The following MYRIP variants were observed in gnomAD, a reference collection of about 807,000 sequenced individuals.
MYRIP encodes rab effector MyRIP.
Under a neutral mutation model 98.0 loss-of-function variants are expected in MYRIP, and 49 were observed. The observed-to-expected ratio is 0.50, with a 90% CI of 0.40 to 0.63. The LOEUF (loss-of-function observed/expected upper bound fraction) is 0.63, where lower values mean the gene tolerates loss of function less well. MYRIP is among the 30% of genes least tolerant of loss of function. The probability of loss-of-function intolerance (pLI) is 0.00; values close to 1 mark genes in which losing one functional copy is unlikely to be tolerated. For synonymous variants in MYRIP, 404 were observed against 409.5 expected (o/e 0.99, Z 0.16); for missense variants, 1,004 against 1,058.2 (o/e 0.95, Z 0.71).
At chr3:40,172,831 C>T (rs904297542) in intron 8 of MYRIP, among the ~76,000 whole-genome samples, 7 of 152,290 alleles carry the variant, frequency 4.6e-5, no homozygotes, top group Admixed American at 2.0e-4. Context: ...ATCAACTCAC[C>T]CACTAGAACA....
At chr3:39,932,547 G>GT (rs369420899) in intron 2 of MYRIP, among the ~76,000 whole-genome samples, 6 of 151,138 alleles carry the variant, frequency 4.0e-5, no homozygotes, top group East Asian at 2.0e-4. Flanking sequence ...TTTTTTGGGG[G>GT]TTTTTTTTGG....
At chr3:40,017,900 A>T (rs1160628737) in intron 2 of MYRIP, among the ~76,000 whole-genome samples, 1 of 152,142 alleles carries the variant, frequency 6.6e-6, no homozygotes, top group South Asian at 2.1e-4. Flanking sequence ...TAGCCTAATG[A>T]GTAATCAGCT....
At chr3:40,166,227 C>T (rs970960388) in intron 5 of MYRIP, among the ~76,000 whole-genome samples, 2 of 152,160 alleles carry the variant, frequency 1.3e-5, no homozygotes, top group African/African-American at 4.8e-5. Context: ...AACATTTTCC[C>T]CATCATCACA....
rs778130848 is a variant in MYRIP at position 40,190,255 on chromosome 3, A to C, written c.1457A>C (p.Glu486Ala). Residue 486 changes from glutamate to alanine, a missense_variant, in exon 10 of 17, where the codon GAG (glutamate) becomes GCG (alanine). This residue lies in a region of MYRIP where 880 missense variants were observed against 907.7 expected (regional missense o/e 0.97). Coordinates refer to ENST00000302541, the MANE Select transcript of MYRIP (RefSeq NM_015460.4). ...AAGGCCCCCAGGAACCCTGCAGCTG[A>C]GAAGATGCGCTTGCATGGAGAGCTG... Reference protein sequence around the residue: ...QRKAPRNPAAEKMRLHGELDV... With the variant: ...QRKAPRNPAAAKMRLHGELDV... 46 of 1,613,928 alleles carry C rather than the reference A, an allele frequency of 2.9e-5. No homozygotes were observed. Among genetic ancestry groups the C allele is most frequent in the Non-Finnish European group, 3.6e-5 (43 of 1,180,010 alleles).
intron 2 of MYRIP, among the ~76,000 whole-genome samples, chr3:40,005,155 C>T (rs1946605476): frequency 6.6e-6 from 1 of 152,190 alleles, no homozygotes; most frequent in Non-Finnish European, 1.5e-5. Flanking sequence ...TTATGTACCA[C>T]ATTTACTTAC....
chr3:39,840,736 G>A (rs1465814529), intron 1 of MYRIP, among the ~76,000 whole-genome samples: 1 of 152,170 alleles, frequency 6.6e-6, no homozygotes, highest in Non-Finnish European at 1.5e-5. Flanking sequence ...AGTTAGGCTG[G>A]TTATGAAATT....
At chr3:39,883,410 A>C (rs1598990) in intron 1 of MYRIP, among the ~76,000 whole-genome samples, 12,724 of 152,128 alleles carry the variant, frequency 0.084, 703 homozygotes, top group Non-Finnish European at 0.11. Flanking sequence ...GTAGATGAGA[A>C]GAAATAAACA....
chr3:39,930,518 T>C (rs1296944430), intron 2 of MYRIP, among the ~76,000 whole-genome samples: 1 of 152,068 alleles, frequency 6.6e-6, no homozygotes, highest in Non-Finnish European at 1.5e-5. Flanking sequence ...ATTAATAATA[T>C]CCTTTGAAGC....
chr3:40,127,690 C>A (rs1949550806), intron 3 of MYRIP, among the ~76,000 whole-genome samples: 1 of 152,206 alleles, frequency 6.6e-6, no homozygotes, highest in Non-Finnish European at 1.5e-5. Flanking sequence ...CTGTGCTACC[C>A]AGACTCCCTT....
At chr3:40,177,759 A>C (rs1950799615) in intron 8 of MYRIP, among the ~76,000 whole-genome samples, 2 of 152,078 alleles carry the variant, frequency 1.3e-5, no homozygotes, top group African/African-American at 2.4e-5. Context: ...AGGCCTCTCT[A>C]ATAATATCGT....
At chr3:40,137,542 G>GCAT (rs1400286549) in intron 3 of MYRIP, among the ~76,000 whole-genome samples, 1 of 152,158 alleles carries the variant, frequency 6.6e-6, no homozygotes. Flanking sequence ...TATGAGGCCA[G>GCAT]CATCATCCTG....
At chr3:40,175,081 C>T (rs989612268) in intron 8 of MYRIP, among the ~76,000 whole-genome samples, 16 of 151,970 alleles carry the variant, frequency 1.1e-4, no homozygotes, top group African/African-American at 2.2e-4. Flanking sequence ...GTGGAGATTG[C>T]GCCACTGCAT....
Position 39,895,948 on chromosome 3 carries a change from T to C in MYRIP, c.-30-4839T>C, listed in dbSNP as rs116727614. 9.2e-3 allele frequency among the ~76,000 whole-genome samples: 1,395 copies of C among 152,026 alleles called. 26 individuals carry two copies. Among genetic ancestry groups the C allele is most frequent in the African/African-American group, 0.032 (1,319 of 41,442 alleles). ...GTGTGTGTGTGTGTGCGCGTGCACG[T>C]ACGCATATACATGCCTATGTATCTC... On this transcript the variant is annotated intron_variant, in intron 1 of 16. Transcript: ENST00000302541.
chr3:40,248,250 T>A (rs1953264838), intron 13 of MYRIP: 1 of 152,270 alleles, frequency 6.6e-6, no homozygotes, highest in African/African-American at 2.4e-5. Context: ...ATGACCCTTG[T>A]GGAGCATGCT....
At chr3:40,237,646 T>C (rs1952860094) in intron 12 of MYRIP, among the ~76,000 whole-genome samples, 1 of 152,186 alleles carries the variant, frequency 6.6e-6, no homozygotes, top group Non-Finnish European at 1.5e-5. Context: ...TGAAGCCCCT[T>C]TTAAAAAGAA....
chr3:40,224,108 G>A (rs1177021980), intron 11 of MYRIP, among the ~76,000 whole-genome samples: 9 of 152,182 alleles, frequency 5.9e-5, no homozygotes, highest in Non-Finnish European at 1.2e-4. Context: ...AGCGGCGAGA[G>A]AGGTGAGGGC....
intron 3 of MYRIP, among the ~76,000 whole-genome samples, chr3:40,116,214 T>C (rs1040568786): frequency 5.3e-5 from 8 of 152,328 alleles, no homozygotes; most frequent in African/African-American, 1.9e-4. Context: ...GATGCTGGTA[T>C]CCCCTAGCAC....
intron 1 of MYRIP, among the ~76,000 whole-genome samples, chr3:39,877,246 A>T: frequency 6.6e-6 from 1 of 151,866 alleles, no homozygotes. Flanking sequence ...CATTCTTCTA[A>T]ATTTTTTTCA....
intron 2 of MYRIP, among the ~76,000 whole-genome samples, chr3:39,906,069 A>G (rs1422840100): frequency 6.6e-6 from 1 of 151,946 alleles, no homozygotes; most frequent in Non-Finnish European, 1.5e-5. Context: ...TCAAACAGAT[A>G]TGGGTATGAG....
Sources: allele counts gnomAD v4.1 joint callset (sites outside exome capture counted in the v4.1 genomes callset), GRCh38; gene constraint gnomAD v4.1.1; regional missense constraint gnomAD v4.1.1; transcripts MANE v1.5; gene names NCBI Gene and HGNC (gene_info 2026-07-23, HGNC 2026-07-21).